The following MTUS2 variants were observed in gnomAD, a reference collection of about 807,000 sequenced individuals.
The protein encoded by MTUS2 is microtubule associated scaffold protein 2.
A neutral mutation model predicts 114.1 loss-of-function variants in MTUS2; 40 were observed. That is an observed-to-expected ratio of 0.35 (90% CI 0.27 to 0.46). The LOEUF (loss-of-function observed/expected upper bound fraction) is 0.46. MTUS2 is among the 20% of genes least tolerant of loss of function. The pLI, the probability that MTUS2 is intolerant of heterozygous loss-of-function variation, is 1.00. For missense variants in MTUS2, 1,679 were observed against 1,705.4 expected (o/e 0.98, Z 0.27); for synonymous variants, 688 against 672.0 (o/e 1.02, Z -0.37).
chr13:28,825,695 T>C (rs903432112), intron 1 of MTUS2, among the ~76,000 whole-genome samples: 14 of 152,226 alleles, frequency 9.2e-5, no homozygotes, highest in African/African-American at 2.4e-4. Flanking sequence ...AGCCTTTCTA[T>C]ACTCATGGGG....
At chr13:29,165,841 G>A (rs535381657) in intron 5 of MTUS2, among the ~76,000 whole-genome samples, 1 of 152,246 alleles carries the variant, frequency 6.6e-6, no homozygotes, top group South Asian at 2.1e-4. Flanking sequence ...TAAATGCCAT[G>A]AAAATTGAAT....
chr13:29,428,564 A>T, intron 8 of MTUS2: 2 of 707,384 alleles, frequency 2.8e-6, no homozygotes, highest in Non-Finnish European at 4.3e-6. Context: ...TGGCAAAGTG[A>T]CCCTCCCTCC....
chr13:28,928,762 G>A (rs1881460866), intron 2 of MTUS2, among the ~76,000 whole-genome samples: 1 of 152,094 alleles, frequency 6.6e-6, no homozygotes, highest in Non-Finnish European at 1.5e-5. Context: ...TCAGTATATC[G>A]AAGAGATATT....
At chr13:29,448,530 T>C (rs940032267) in intron 9 of MTUS2, among the ~76,000 whole-genome samples, 6 of 151,932 alleles carry the variant, frequency 3.9e-5, no homozygotes, top group Non-Finnish European at 7.4e-5. Flanking sequence ...CCAATTCACC[T>C]GCAGCTGCCC....
At chr13:29,266,705 G>A (rs141681481) in intron 5 of MTUS2, among the ~76,000 whole-genome samples, 1 of 152,190 alleles carries the variant, frequency 6.6e-6, no homozygotes, top group Non-Finnish European at 1.5e-5. Context: ...TGCAAAAAGT[G>A]TGAAGCTTTT....
Position 29,025,624 on chromosome 13 carries a change from A to G in MTUS2, c.926A>G (p.Lys309Arg), listed in dbSNP as rs771559574. 12 of 1,613,948 alleles carry G rather than the reference A, an allele frequency of 7.4e-6. No individual in the cohort carries two copies. In the East Asian group the frequency reaches 2.0e-4, roughly 27 times the overall value. Residue 309 changes from lysine (K) to arginine (R), a missense_variant, in exon 3 of 16, where the codon AAG (lysine) becomes AGG (arginine). Transcript: ENST00000612955. ...AQLGQGKGEA[K>R]LDLKYVPPRR... ...TTAGGTCAGGGAAAGGGAGAGGCCA[A>G]GCTGGATCTGAAATATGTTCCTCCC...
intron 2 of MTUS2, among the ~76,000 whole-genome samples, chr13:28,854,405 T>G (rs1162636529): frequency 6.6e-6 from 1 of 152,180 alleles, no homozygotes; most frequent in Non-Finnish European, 1.5e-5. Flanking sequence ...TTCCCACATC[T>G]GTAAAACAGA....
At chr13:28,898,788 C>G (rs1045920160) in intron 2 of MTUS2, among the ~76,000 whole-genome samples, 3 of 152,150 alleles carry the variant, frequency 2.0e-5, no homozygotes, top group African/African-American at 7.2e-5. Context: ...CAAATAATAT[C>G]ATGTAATGGG....
intron 5 of MTUS2, among the ~76,000 whole-genome samples, chr13:29,163,979 C>T (rs929169818): frequency 6.6e-6 from 1 of 152,160 alleles, no homozygotes; most frequent in African/African-American, 2.4e-5. Context: ...CTAAACGTCG[C>T]TGAAAACTCT....
rs1396923075 is a variant in MTUS2, at chr13:28,865,242, G to C, written c.-243+25392G>C. On this transcript the variant is annotated intron_variant, in intron 2 of 15. Transcript: ENST00000612955. The stretch of plus-strand genomic sequence containing the variant: ...TCTGGGCTGGGGTTCAGGATTCTGT[G>C]TCTCTAATAAGCACTGTTAAAGATT... 2.6e-5 allele frequency among the ~76,000 whole-genome samples: 4 copies of C among 152,098 alleles called. No individual in the cohort carries two copies. The East Asian group carries it at 7.7e-4, about 29-fold the overall frequency.
At chr13:29,209,864 C>CT (rs972759186) in intron 5 of MTUS2, among the ~76,000 whole-genome samples, 7 of 152,300 alleles carry the variant, frequency 4.6e-5, no homozygotes, top group Non-Finnish European at 1.0e-4. Context: ...TTTTAAGATT[C>CT]TTTCCTTGTC....
intron 2 of MTUS2, among the ~76,000 whole-genome samples, chr13:28,895,855 G>T (rs1879234347): frequency 6.6e-6 from 1 of 152,166 alleles, no homozygotes; most frequent in Non-Finnish European, 1.5e-5. Context: ...ATACTCATTT[G>T]CCAAAACAGC....
At chr13:29,180,119 G>A (rs1370241619) in intron 5 of MTUS2, among the ~76,000 whole-genome samples, 1 of 152,182 alleles carries the variant, frequency 6.6e-6, no homozygotes, top group Admixed American at 6.5e-5. Context: ...ATATTTCCCT[G>A]TAAAACCCTC....
intron 2 of MTUS2, among the ~76,000 whole-genome samples, chr13:28,905,447 G>C (rs1376433711): frequency 1.3e-5 from 2 of 151,586 alleles, no homozygotes; most frequent in African/African-American, 4.9e-5. Context: ...CTCATTTATT[G>C]AGAGTTTTTA....
intron 4 of MTUS2, among the ~76,000 whole-genome samples, chr13:29,083,293 C>G (rs1277042692): frequency 4.6e-5 from 7 of 152,118 alleles, no homozygotes; most frequent in African/African-American, 1.7e-4. Flanking sequence ...CGAATGAATG[C>G]CTTCAGAAGA....
intron 5 of MTUS2, among the ~76,000 whole-genome samples, chr13:29,152,089 G>C (rs928357289): frequency 6.6e-6 from 1 of 151,916 alleles, no homozygotes; most frequent in African/African-American, 2.4e-5. Context: ...TTTTTTTGGG[G>C]GGGAATAGTT....
At chr13:29,160,487 G>A (rs1893046485) in intron 5 of MTUS2, among the ~76,000 whole-genome samples, 1 of 152,122 alleles carries the variant, frequency 6.6e-6, no homozygotes, top group African/African-American at 2.4e-5. Flanking sequence ...AATTATATCT[G>A]GGGCTGGGCG....
At chr13:29,473,348 A>G (rs1880454110) in intron 9 of MTUS2, among the ~76,000 whole-genome samples, 2 of 152,212 alleles carry the variant, frequency 1.3e-5, no homozygotes, top group Admixed American at 6.5e-5. Flanking sequence ...TGGAAAACCA[A>G]TGTAAAGTTA....
intron 5 of MTUS2, among the ~76,000 whole-genome samples, chr13:29,177,379 CATA>C (rs1049218341): frequency 1.3e-5 from 2 of 150,608 alleles, no homozygotes; most frequent in East Asian, 1.9e-4. Context: ...AGCTACTGGA[CATA>C]ATAATAATAA....
Sources: gnomAD v4.1 joint callset for allele counts (sites outside exome capture counted in the v4.1 genomes callset) on GRCh38, gnomAD v4.1.1 for gene constraint, MANE v1.5 for transcripts, NCBI Gene and HGNC (gene_info 2026-07-23, HGNC 2026-07-21) for gene names.